CDH12: variants seen among roughly 807,000 people sequenced by gnomAD.
CDH12 encodes the protein cadherin 12.
In CDH12, 41 loss-of-function variants were observed where a neutral mutation model predicts 74.1. The ratio of observed to expected loss-of-function variants is 0.55; its 90% CI spans 0.43 to 0.72. The LOEUF (loss-of-function observed/expected upper bound fraction) is 0.72, where lower values mean the gene tolerates loss of function less well. Among genes scored for constraint, CDH12 ranks in the 30% least tolerant of loss-of-function variants. CDH12 has a pLI of 0.00. For missense variants in CDH12, 945 were observed against 977.2 expected, an observed-to-expected ratio of 0.97 and a Z score of 0.44; for synonymous variants, 399 against 355.0, an observed-to-expected ratio of 1.12 and a Z score of -1.39.
Position 22,688,133 on chromosome 5 carries a change from C to G in CDH12, c.-523+164925G>C, listed in dbSNP as rs539893474. Among the ~76,000 whole-genome samples, 295 of 151,826 alleles carry G rather than the reference C, an allele frequency of 1.9e-3. 3 individuals are homozygous for G. Among genetic ancestry groups the G allele is most frequent in the African/African-American group, 6.8e-3 (280 of 41,414 alleles). ...CTACATAGTCCCGTTTCATTGTGTG[C>G]GAGTAACAACTGGCGTCCAGGAGAT... On this transcript the variant is annotated intron_variant, in intron 1 of 14. Transcript: ENST00000382254.
At chr5:22,341,779 T>C (rs1349102034) in intron 3 of CDH12, among the ~76,000 whole-genome samples, 14 of 149,364 alleles carry the variant, frequency 9.4e-5, no homozygotes, top group Non-Finnish European at 1.5e-5. Flanking sequence ...CAATCATACA[T>C]CTCTGCAGAA....
At chr5:21,825,227 T>C (rs1344512682) in intron 8 of CDH12, among the ~76,000 whole-genome samples, 2 of 151,834 alleles carry the variant, frequency 1.3e-5, no homozygotes, top group Non-Finnish European at 2.9e-5. Context: ...CTTAAAAGCA[T>C]CCTGATATTT....
At chr5:22,482,449 T>C (rs985871654) in intron 2 of CDH12, among the ~76,000 whole-genome samples, 2 of 152,186 alleles carry the variant, frequency 1.3e-5, no homozygotes, top group African/African-American at 4.8e-5. Flanking sequence ...CGTACCTTTA[T>C]GTTGAACAAA....
intron 1 of CDH12, among the ~76,000 whole-genome samples, chr5:22,583,265 T>A (rs1012435497): frequency 6.6e-6 from 1 of 152,274 alleles, no homozygotes; most frequent in South Asian, 2.1e-4. Context: ...ACTATGTATA[T>A]CAGATATGAA....
chr5:22,464,827 C>A (rs2126592633), intron 2 of CDH12, among the ~76,000 whole-genome samples: 1 of 152,074 alleles, frequency 6.6e-6, no homozygotes, highest in South Asian at 2.1e-4. Context: ...CATGGTGAAA[C>A]CCCACCTCTA....
At chr5:21,950,209 C>G (rs182439253) in intron 6 of CDH12, among the ~76,000 whole-genome samples, 1 of 152,104 alleles carries the variant, frequency 6.6e-6, no homozygotes, top group Non-Finnish European at 1.5e-5. Context: ...TACCACATAA[C>G]CTAGGGTGTG....
rs565649292 is a variant in CDH12, at chr5:21,836,025, T to A, written c.814+6136A>T. Reference sequence around the variant, plus strand: ...TACACGTACATACATATATATGTTGTTTTTAATCTGACAGCTGACGTAAAC... The same window carrying A: ...TACACGTACATACATATATATGTTGATTTTAATCTGACAGCTGACGTAAAC... On this transcript the variant is annotated intron_variant, in intron 8 of 14. Transcript: ENST00000382254. 2.0e-4 allele frequency among the ~76,000 whole-genome samples: 31 copies of A among 151,904 alleles called. No individual in the cohort carries two copies. In the East Asian group the frequency reaches 5.8e-3, roughly 28 times the overall value.
At chr5:22,165,991 AGGGCTGCTCTACTTAT>A (rs1329371605) in intron 4 of CDH12, among the ~76,000 whole-genome samples, 5 of 152,208 alleles carry the variant, frequency 3.3e-5, no homozygotes, top group Non-Finnish European at 7.3e-5. Flanking sequence ...ATCAGCCCTC[AGGGCTGCTCTACTTAT>A]GGAGAAGCCA....
intron 6 of CDH12, among the ~76,000 whole-genome samples, chr5:21,945,107 C>T (rs1755510655): frequency 6.6e-6 from 1 of 151,534 alleles, no homozygotes; most frequent in African/African-American, 2.4e-5. Context: ...AAGAGAAAGA[C>T]AACAGACACC....
rs536262968 is a variant in CDH12, at chr5:21,985,724, T to A, written c.232-10339A>T. On this transcript the variant is annotated intron_variant, in intron 5 of 14. Coordinates refer to ENST00000382254, the MANE Select transcript of CDH12 (RefSeq NM_004061.5). ...CCTGGTAAACTTATAAAACACTTAG[T>A]GTTTCCTTTTTTGAAGTTGCCTAGT... Among the ~76,000 whole-genome samples, 1,034 of 152,252 alleles carry A rather than the reference T, an allele frequency of 6.8e-3. 5 individuals are homozygous for A. The highest frequency in any genetic ancestry group is 9.8e-3 in the Non-Finnish European group (667 of 67,998).
intron 1 of CDH12, among the ~76,000 whole-genome samples, chr5:22,654,330 C>T (rs1739910720): frequency 6.6e-6 from 1 of 151,588 alleles, no homozygotes; most frequent in Non-Finnish European, 1.5e-5. Flanking sequence ...GCTCTTGTCA[C>T]CCAGGCTGGA....
intron 3 of CDH12, among the ~76,000 whole-genome samples, chr5:22,234,900 C>CT (rs909081027): frequency 2.9e-4 from 43 of 148,368 alleles, no homozygotes; most frequent in South Asian, 6.5e-4. Flanking sequence ...GACAGATGGA[C>CT]TTTTTTTTTT....
chr5:22,800,892 T>G (rs368687963), intron 1 of CDH12, among the ~76,000 whole-genome samples: 1 of 152,202 alleles, frequency 6.6e-6, no homozygotes, highest in Non-Finnish European at 1.5e-5. Flanking sequence ...TTTTTTAGCA[T>G]TGAATACTAT....
chr5:22,603,548 G>A (rs1183041449), intron 1 of CDH12, among the ~76,000 whole-genome samples: 1 of 152,152 alleles, frequency 6.6e-6, no homozygotes, highest in Non-Finnish European at 1.5e-5. Flanking sequence ...GAAATAAGAC[G>A]TGGCAGTAAT....
chr5:22,139,835 T>C (rs1438298584), intron 4 of CDH12, among the ~76,000 whole-genome samples: 3 of 152,136 alleles, frequency 2.0e-5, no homozygotes, highest in African/African-American at 7.2e-5. Flanking sequence ...TGGAGAGCCA[T>C]CAGTTGAAAG....
rs1275359124 is a variant in CDH12, at chr5:22,686,998, T to C, written c.-523+166060A>G. 2.0e-5 allele frequency among the ~76,000 whole-genome samples: 3 copies of C among 152,216 alleles called. No individual in the cohort carries two copies. In the East Asian group the frequency reaches 5.8e-4, roughly 29 times the overall value. ...AAATACCTGATGAGGTAATTCATAC[T>C]TAAAAATGAAAAATGGGCCAGGTGC... On this transcript the variant is annotated intron_variant, in intron 1 of 14. Coordinates refer to ENST00000382254, the MANE Select transcript of CDH12 (RefSeq NM_004061.5).
chr5:22,204,420 C>T (rs1199404842), intron 4 of CDH12, among the ~76,000 whole-genome samples: 2 of 152,248 alleles, frequency 1.3e-5, no homozygotes, highest in East Asian at 3.9e-4. Flanking sequence ...CTCGGCCTCC[C>T]GAAGTGCTGG....
chr5:21,889,559 A>C, intron 6 of CDH12: 1 of 984,414 alleles, frequency 1.0e-6, no homozygotes, highest in Non-Finnish European at 1.2e-6. Flanking sequence ...GTTTTTACAG[A>C]AGCAAAGTGA....
chr5:22,181,074 C>G (rs187806936), intron 4 of CDH12, among the ~76,000 whole-genome samples: 1 of 152,196 alleles, frequency 6.6e-6, no homozygotes. Context: ...AGCAGATCAT[C>G]CTCTCTTCTC....
Sources: allele counts gnomAD v4.1 joint callset (sites outside exome capture counted in the v4.1 genomes callset), GRCh38; gene constraint gnomAD v4.1.1; transcripts MANE v1.5; gene names NCBI Gene and HGNC (gene_info 2026-07-23, HGNC 2026-07-21).